Variants in OPCML observed in about 807,000 individuals in gnomAD.
OPCML encodes opioid-binding protein/cell adhesion molecule.
OPCML carries 13 observed loss-of-function variants against 37.8 expected under a neutral mutation model. The observed-to-expected ratio is 0.34, with a 90% CI of 0.22 to 0.55. OPCML has a LOEUF of 0.55. Among genes scored for constraint, OPCML ranks in the 20% least tolerant of loss-of-function variants. The probability of loss-of-function intolerance (pLI) is 0.91; values close to 1 mark genes in which losing one functional copy is unlikely to be tolerated. For synonymous variants in OPCML, 176 were observed against 168.8 expected (o/e 1.04, Z -0.33); for missense variants, 341 against 435.6 (o/e 0.78, Z 1.93).
At chr11:133,448,235 A>T (rs1946510858) in intron 1 of OPCML, among the ~76,000 whole-genome samples, 1 of 152,214 alleles carries the variant, frequency 6.6e-6, no homozygotes, top group South Asian at 2.1e-4. Context: ...AGTGGTCAAA[A>T]TTAATCATTT....
At chr11:132,464,157 C>T (rs917965172) in intron 4 of OPCML, among the ~76,000 whole-genome samples, 1 of 152,170 alleles carries the variant, frequency 6.6e-6, no homozygotes. Context: ...CTCCAAAGGC[C>T]TCTGCAGCTG....
chr11:132,493,276 A>G (rs982617738), intron 4 of OPCML, among the ~76,000 whole-genome samples: 1 of 152,168 alleles, frequency 6.6e-6, no homozygotes, highest in South Asian at 2.1e-4. Flanking sequence ...GCTCGGGAAG[A>G]GGGAAGAGAA....
intron 1 of OPCML, among the ~76,000 whole-genome samples, chr11:132,982,514 CAA>C (rs71696344): frequency 0.17 from 22,908 of 134,852 alleles, 1,999 homozygotes; most frequent in African/African-American, 0.24. Flanking sequence ...AGGCTTAGAG[CAA>C]AAAAAAAAAA....
chr11:133,454,860 A>C (rs938762382), intron 1 of OPCML, among the ~76,000 whole-genome samples: 2 of 152,156 alleles, frequency 1.3e-5, no homozygotes, highest in Admixed American at 6.5e-5. Flanking sequence ...TTGATACTAT[A>C]AAAAAGGACA....
intron 2 of OPCML, among the ~76,000 whole-genome samples, chr11:132,760,262 A>T (rs1946212241): frequency 6.6e-6 from 1 of 152,182 alleles, no homozygotes; most frequent in South Asian, 2.1e-4. Context: ...TGCTGAGAAG[A>T]ATGTATATTC....
intron 1 of OPCML, among the ~76,000 whole-genome samples, chr11:133,112,956 G>A (rs1949279651): frequency 6.6e-6 from 1 of 152,198 alleles, no homozygotes; most frequent in Non-Finnish European, 1.5e-5. Flanking sequence ...CTTACTCCAT[G>A]CCAGACCTGG....
chr11:132,824,457 C>T (rs1031566972), intron 2 of OPCML, among the ~76,000 whole-genome samples: 1 of 152,202 alleles, frequency 6.6e-6, no homozygotes, highest in Admixed American at 6.5e-5. Flanking sequence ...TACAGTTAGT[C>T]ACACTGTGTT....
intron 1 of OPCML, among the ~76,000 whole-genome samples, chr11:133,288,839 C>T (rs1942376999): frequency 6.6e-6 from 1 of 152,152 alleles, no homozygotes; most frequent in African/African-American, 2.4e-5. Flanking sequence ...ACTGGGGTGT[C>T]GGCCAAAGGC....
At chr11:133,025,437 C>T (rs952169362) in intron 1 of OPCML, 80 of 985,290 alleles carry the variant, frequency 8.1e-5, no homozygotes, top group Middle Eastern at 1.0e-3. Flanking sequence ...GTTTGGGTAA[C>T]TGTATTGAAG....
chr11:132,469,782 G>T (rs1249825065), intron 4 of OPCML, among the ~76,000 whole-genome samples: 5 of 52,424 alleles, frequency 9.5e-5, no homozygotes, highest in African/African-American at 2.2e-4. Context: ...GTGTGGAGGG[G>T]TGTGTGTGTG....
At chr11:132,636,350 A>T (rs1365170315) in intron 3 of OPCML, among the ~76,000 whole-genome samples, 1 of 152,216 alleles carries the variant, frequency 6.6e-6, no homozygotes. Context: ...CATTTGTCAC[A>T]TAATTCTGTT....
rs556227264 is a variant in OPCML, at chr11:133,494,741, G to A, written c.61+37523C>T. Among the ~76,000 whole-genome samples, 21 of 128,484 alleles carry A rather than the reference G, an allele frequency of 1.6e-4. 2 individuals are homozygous for A. Among genetic ancestry groups the A allele is most frequent in the Non-Finnish European group, 2.9e-4 (19 of 64,696 alleles). 84.3% of individuals were successfully genotyped at this position (128,484 alleles called of 152,430 possible). A position where few individuals can be genotyped will look rare whatever the true frequency, so the allele number is the denominator to read the frequency against. ...TGTTGTGGGGCGGGGGGACGGGGGA[G>A]GGATAGCATTGGGAGATATACCTAA... On this transcript the variant is annotated intron_variant, in intron 1 of 7. Coordinates refer to ENST00000524381, the MANE Select transcript of OPCML (RefSeq NM_001012393.5).
At position 132,958,388 on chromosome 11, in the gene OPCML, C is replaced by T. The variant is rs149074804; in HGVS notation, c.62-15378G>A. On this transcript the variant is annotated intron_variant, in intron 1 of 7. Transcript: ENST00000524381. ...TTAAGGAAAGAAACCATTTTTATAA[C>T]ATAGAAGTACAAGATGAAGCAGCAG... is the stretch of plus-strand genomic sequence containing the variant. Among the ~76,000 whole-genome samples the T allele has an allele frequency of 9.2e-5, 14 of 152,322 alleles. No homozygotes were observed. In the East Asian group the frequency reaches 1.9e-3, roughly 21 times the overall value.
chr11:132,958,177 G>A (rs1367598876), intron 1 of OPCML, among the ~76,000 whole-genome samples: 1 of 152,214 alleles, frequency 6.6e-6, no homozygotes, highest in Non-Finnish European at 1.5e-5. Flanking sequence ...AAGCAAAACA[G>A]TCTTGTTGCT....
rs372492605 is a variant in OPCML, at chr11:133,002,661, C to A, written c.62-59651G>T. On this transcript the variant is annotated intron_variant, in intron 1 of 7. Transcript: ENST00000524381. ...ACATAATCATAAGGCTATTCTTCAC[C>A]TTTAAGTGGAATTTTTTCTATAGAT... is the stretch of plus-strand genomic sequence containing the variant. Among the ~76,000 whole-genome samples, 68 of 151,704 alleles carry A rather than the reference C, an allele frequency of 4.5e-4. 1 individual carries two copies. The South Asian group carries it at 0.013, about 30-fold the overall frequency.
At chr11:133,397,161 T>A (rs1945304992) in intron 1 of OPCML, among the ~76,000 whole-genome samples, 1 of 152,210 alleles carries the variant, frequency 6.6e-6, no homozygotes, top group Admixed American at 6.5e-5. Flanking sequence ...TCCAAGTGAA[T>A]GTGAGTGGAG....
At chr11:133,195,230 G>A (rs1300011620) in intron 1 of OPCML, among the ~76,000 whole-genome samples, 1 of 152,130 alleles carries the variant, frequency 6.6e-6, no homozygotes, top group Non-Finnish European at 1.5e-5. Context: ...GTAAAACTCT[G>A]ACTGTTTCCA....
rs909380882 is a variant in OPCML, at chr11:133,439,470, GT to G, written c.61+92793del. On this transcript the variant is annotated intron_variant, in intron 1 of 7. Transcript: ENST00000524381. Reference sequence around the variant, plus strand: ...TGTTTTTTTGTTTTTCTTTGTTTTTGTTTTTTTTCTTTTTTGAGATGGAGTC... The same window carrying G: ...TGTTTTTTTGTTTTTCTTTGTTTTTGTTTTTTTCTTTTTTGAGATGGAGTC... 24 of 981,914 alleles carry G rather than the reference GT, an allele frequency of 2.4e-5. No homozygotes were observed. The Admixed American group carries it at 3.1e-4, about 13-fold the overall frequency. The allele number at this position is 981,914 out of a possible 1,614,324, so 60.8% of individuals were successfully genotyped here. A position where few individuals can be genotyped will look rare whatever the true frequency, so the allele number is the denominator to read the frequency against.
chr11:132,568,047 C>CGT (rs1437447347), intron 3 of OPCML, among the ~76,000 whole-genome samples: 4 of 148,414 alleles, frequency 2.7e-5, no homozygotes, highest in Admixed American at 2.7e-4. Context: ...TGTGTGCGCG[C>CGT]GCGCGCGTGT....
Sources: gnomAD v4.1 joint callset for allele counts (sites outside exome capture counted in the v4.1 genomes callset) on GRCh38, gnomAD v4.1.1 for gene constraint, MANE v1.5 for transcripts, NCBI Gene and HGNC (gene_info 2026-07-23, HGNC 2026-07-21) for gene names.